Variants in PIEZO2 observed in about 807,000 individuals in gnomAD.
The protein encoded by PIEZO2 is piezo type mechanosensitive ion channel component 2.
In PIEZO2, 172 loss-of-function variants were observed where a neutral mutation model predicts 337.3. That is an observed-to-expected ratio of 0.51 (90% confidence interval 0.45 to 0.58). PIEZO2 has a LOEUF of 0.58. Ranked by LOEUF, PIEZO2 falls within the 20% of genes least tolerant of loss-of-function variation. The pLI, the probability that PIEZO2 is intolerant of heterozygous loss-of-function variation, is 0.00. For synonymous variants in PIEZO2, 1,251 were observed against 1,228.5 expected (o/e 1.02, Z -0.38); for missense variants, 3,028 against 3,391.3 (o/e 0.89, Z 2.66).
At chr18:10,757,570 G>A (rs2037930430) in intron 27 of PIEZO2, among the ~76,000 whole-genome samples, 1 of 150,304 alleles carries the variant, frequency 6.7e-6, no homozygotes, top group African/African-American at 2.5e-5. Flanking sequence ...CTATGGGGAT[G>A]AGGATGAGGG....
In PIEZO2 at chr18:11,097,020, T is replaced by A. The variant is rs990055606; in HGVS notation, c.65-30798A>T. On this transcript the variant is annotated intron_variant, in intron 1 of 55. Coordinates refer to ENST00000674853, the MANE Select transcript of PIEZO2 (RefSeq NM_001378183.1). This position sits in a 1 kb window ranked among gnomAD's most constrained non-coding sequence, Gnocchi z 5.0. Reference sequence around the variant, plus strand: ...GCAAGGCTTTTCCTCTAGGACACTGTCAGATAAAAATAGCTAATGAGTTAA... The same window carrying A: ...GCAAGGCTTTTCCTCTAGGACACTGACAGATAAAAATAGCTAATGAGTTAA... 3.9e-5 allele frequency among the ~76,000 whole-genome samples: 6 copies of A among 152,174 alleles called. No individual in the cohort carries two copies. The highest frequency in any genetic ancestry group is 8.8e-5 in the Non-Finnish European group (6 of 68,036).
chr18:10,749,161 T>A (rs953806285), intron 29 of PIEZO2, among the ~76,000 whole-genome samples: 1 of 151,900 alleles, frequency 6.6e-6, no homozygotes, highest in Non-Finnish European at 1.5e-5. Flanking sequence ...AAAAAAAAAA[T>A]TAATCTTTTT....
chr18:10,890,214 G>C (rs768152610), intron 4 of PIEZO2, among the ~76,000 whole-genome samples: 3 of 152,292 alleles, frequency 2.0e-5, no homozygotes, highest in South Asian at 2.1e-4. Context: ...ATTTAGTGAG[G>C]ACACAGTCTC....
At chr18:10,840,501 T>G (rs1043475031) in intron 7 of PIEZO2, among the ~76,000 whole-genome samples, 5 of 152,170 alleles carry the variant, frequency 3.3e-5, no homozygotes, top group Non-Finnish European at 5.9e-5. Context: ...TATATCAACA[T>G]TAATGTTAAG....
intron 18 of PIEZO2, 64 bp from the exon 19 acceptor site, chr18:10,774,102 T>A (rs1197963886): frequency 1.4e-6 from 1 of 700,414 alleles, no homozygotes; most frequent in African/African-American, 1.8e-5. Flanking sequence ...TTATAAGGAA[T>A]GTCAGAGATC....
intron 41 of PIEZO2, 119 bp from the exon 42 acceptor site, chr18:10,704,771 G>A (rs766545234): frequency 7.6e-5 from 93 of 1,219,726 alleles, no homozygotes; most frequent in South Asian, 6.0e-4. Context: ...TGCAACCTCC[G>A]CCTCCCGAAC....
rs2039135064 is a variant in PIEZO2 at position 11,092,826 on chromosome 18, TCACAGGG to T, written c.65-26611_65-26605del. Among the ~76,000 whole-genome samples, 1 of 152,210 alleles carries T rather than the reference TCACAGGG, an allele frequency of 6.6e-6. No individual in the cohort carries two copies. The highest frequency in any genetic ancestry group is 2.4e-5 in the African/African-American group (1 of 41,438). On this transcript the variant is annotated intron_variant, in intron 1 of 55. Coordinates refer to ENST00000674853, the MANE Select transcript of PIEZO2 (RefSeq NM_001378183.1). The surrounding 1 kb of genome is among the most constrained non-coding windows in gnomAD (Gnocchi z 4.5). Reference sequence around the variant, plus strand: ...GACCTTCTGTGGCCCCCTCATCCCTTCACAGGGCCACATATCTGTCCAGGGAGCAATC... The same window carrying T: ...GACCTTCTGTGGCCCCCTCATCCCTTCCACATATCTGTCCAGGGAGCAATC...
intron 21 of PIEZO2, among the ~76,000 whole-genome samples, chr18:10,763,567 CA>C (rs2038229680): frequency 1.3e-5 from 2 of 152,170 alleles, no homozygotes; most frequent in African/African-American, 4.8e-5. Flanking sequence ...CTGGAAAGTT[CA>C]GAGTTGAAAG....
In PIEZO2 at chr18:10,850,377, T is replaced by G. The variant is rs938218215; in HGVS notation, c.917+4976A>C. Among the ~76,000 whole-genome samples, 2 of 152,168 alleles carry G rather than the reference T, an allele frequency of 1.3e-5. No individual in the cohort carries two copies. Among genetic ancestry groups the G allele is most frequent in the Non-Finnish European group, 2.9e-5 (2 of 68,024 alleles). The stretch of plus-strand genomic sequence containing the variant: ...CGCAAACCGGTAAGCTAGTTAACAT[T>G]ATGTTGGCCTAGGACCTGGACACCT... On this transcript the variant is annotated intron_variant, in intron 7 of 55. Coordinates refer to ENST00000674853, the MANE Select transcript of PIEZO2 (RefSeq NM_001378183.1). This position sits in a 1 kb window ranked among gnomAD's most constrained non-coding sequence, Gnocchi z 4.5.
At chr18:10,935,157 T>C (rs535978614) in intron 3 of PIEZO2, among the ~76,000 whole-genome samples, 1 of 152,312 alleles carries the variant, frequency 6.6e-6, no homozygotes, top group Admixed American at 6.5e-5. Context: ...ATGTTTTGTA[T>C]GTGAGGAGAA....
intron 2 of PIEZO2, among the ~76,000 whole-genome samples, chr18:11,019,215 T>C (rs955755236): frequency 6.6e-6 from 1 of 152,240 alleles, no homozygotes; most frequent in Non-Finnish European, 1.5e-5. Context: ...TTTTCCTTCC[T>C]GATCATGAAC....
Position 11,016,405 on chromosome 18 carries a change from C to T in PIEZO2, c.161-36745G>A, listed in dbSNP as rs1274796702. On this transcript the variant is annotated intron_variant, in intron 2 of 55. Coordinates refer to ENST00000674853, the MANE Select transcript of PIEZO2 (RefSeq NM_001378183.1). The surrounding 1 kb of genome is among the most constrained non-coding windows in gnomAD (Gnocchi z 5.6). ...AAAGGAGGCTGGAGGGCACTGACAA[C>T]ACAGAGGAACCAAAACCCAGACAAT... Among the ~76,000 whole-genome samples the T allele has an allele frequency of 6.6e-6, 1 of 152,154 alleles. No individual in the cohort carries two copies. Among genetic ancestry groups the T allele is most frequent in the African/African-American group, 2.4e-5 (1 of 41,442 alleles).
Position 10,696,422 on chromosome 18 carries a change from G to T in PIEZO2, c.6945C>A (p.Ile2315=), listed in dbSNP as rs201301119. The T allele has an allele frequency of 5.5e-4, 894 of 1,614,252 alleles. 14 individuals carry two copies. In the South Asian group the frequency reaches 9.4e-3, roughly 17 times the overall value. The change falls in exon 46 of 56, where the codon ATC becomes ATA. Residue 2315 remains isoleucine (I), a synonymous_variant. Transcript: ENST00000674853. The part of the protein sequence containing the change: ...LMFLADTVDF[I]IIVFGFWAFG... ...AGGCCCAAAAGCCGAAGACAATGAT[G>T]ATGAAGTCCACAGTGTCAGCCAGGA...
Position 10,727,708 on chromosome 18 carries a change from T to C in PIEZO2, c.5029+3699A>G. 6.5e-6 allele frequency: 1 copy of C among 152,752 alleles called. No homozygotes were observed. Among genetic ancestry groups the C allele is most frequent in the Non-Finnish European group, 1.5e-5 (1 of 68,488 alleles). 9.5% of individuals were successfully genotyped at this position (152,752 alleles called of 1,614,324 possible). A position where few individuals can be genotyped will look rare whatever the true frequency, so the allele number is the denominator to read the frequency against. ...AGAGCTCCCTTGGCCCTGTCCCCAC[T>C]CCCTCCACTGGCCTCTGCTTTTCCT... On this transcript the variant is annotated intron_variant, in intron 36 of 55. Coordinates refer to ENST00000674853, the MANE Select transcript of PIEZO2 (RefSeq NM_001378183.1). The surrounding 1 kb of genome is among the most constrained non-coding windows in gnomAD (Gnocchi z 6.3).
At chr18:10,946,626 G>A (rs1025402561) in intron 3 of PIEZO2, among the ~76,000 whole-genome samples, 4 of 152,206 alleles carry the variant, frequency 2.6e-5, no homozygotes, top group African/African-American at 9.6e-5. Context: ...CATCTGCAAT[G>A]AGGCAGTGTG....
In PIEZO2 at chr18:11,016,826, A is replaced by G. The variant is rs2036130855; in HGVS notation, c.161-37166T>C. Reference sequence around the variant, plus strand: ...TTTTTCTTCTTAATGCTCTTGTTGGAAAAACTCCATCCTTTTGTTATTTCC... The same window carrying G: ...TTTTTCTTCTTAATGCTCTTGTTGGGAAAACTCCATCCTTTTGTTATTTCC... On this transcript the variant is annotated intron_variant, in intron 2 of 55. Coordinates refer to ENST00000674853, the MANE Select transcript of PIEZO2 (RefSeq NM_001378183.1). The surrounding 1 kb of genome is among the most constrained non-coding windows in gnomAD (Gnocchi z 5.6). Among the ~76,000 whole-genome samples, 1 of 152,148 alleles carries G rather than the reference A, an allele frequency of 6.6e-6. No homozygotes were observed. Among genetic ancestry groups the G allele is most frequent in the Admixed American group, 6.5e-5 (1 of 15,280 alleles).
chr18:10,768,735 T>C (rs2038469607), intron 21 of PIEZO2, among the ~76,000 whole-genome samples: 1 of 152,202 alleles, frequency 6.6e-6, no homozygotes, highest in Admixed American at 6.5e-5. Flanking sequence ...ACAAGGTAAC[T>C]AGATATTCTG....
chr18:10,972,969 T>G (rs1193647128), intron 3 of PIEZO2, among the ~76,000 whole-genome samples: 1 of 152,150 alleles, frequency 6.6e-6, no homozygotes, highest in Non-Finnish European at 1.5e-5. Context: ...TTGAGGAAAC[T>G]GAGGCACACT....
rs914389375 is a variant in PIEZO2 at position 10,997,647 on chromosome 18, G to C, written c.161-17987C>G. ...ATCTGAAATTAAACATTCACCTAAT[G>C]GTCTCAAGAGCAGAGTGGTAATGAC... On this transcript the variant is annotated intron_variant, in intron 2 of 55. Transcript: ENST00000674853. Among the ~76,000 whole-genome samples, 8 of 152,068 alleles carry C rather than the reference G, an allele frequency of 5.3e-5. No individual in the cohort carries two copies. The South Asian group carries it at 1.0e-3, about 20-fold the overall frequency.
Sources: allele counts gnomAD v4.1 joint callset (sites outside exome capture counted in the v4.1 genomes callset), GRCh38; gene constraint gnomAD v4.1.1; non-coding constraint Gnocchi (gnomAD v3.1); transcripts MANE v1.5; gene names NCBI Gene and HGNC (gene_info 2026-07-23, HGNC 2026-07-21).